Variants in RANBP2 observed in about 807,000 individuals in gnomAD.
RANBP2 encodes RAN binding protein 2.
Under a neutral mutation model 303.6 loss-of-function variants are expected in RANBP2, and 57 were observed. The observed-to-expected ratio is 0.19, with a 90% CI of 0.15 to 0.23. RANBP2 has a LOEUF of 0.23. Ranked by LOEUF, RANBP2 falls within the 10% of genes least tolerant of loss-of-function variation. The pLI is 1.00. For synonymous variants in RANBP2, 1,167 were observed against 1,301.5 expected (o/e 0.90, Z 2.23); for missense variants, 3,138 against 3,780.8 (o/e 0.83, Z 4.46).
chr2:109,004,947 A>G, the RANBP2 span, among the ~76,000 whole-genome samples: 1 of 152,248 alleles, frequency 6.6e-6, no homozygotes, highest in Non-Finnish European at 1.5e-5. Flanking sequence ...CGCTATCACT[A>G]ATTCTCACTC....
chr2:109,108,939 T>C, the RANBP2 span, among the ~76,000 whole-genome samples: 1 of 152,226 alleles, frequency 6.6e-6, no homozygotes, highest in African/African-American at 2.4e-5. Context: ...TCAGTCCCTC[T>C]GTGTCGGGAT....
chr2:108,911,093 T>G, the RANBP2 span: 5 of 1,613,922 alleles, frequency 3.1e-6, no homozygotes, highest in African/African-American at 2.7e-5. Context: ...AGAGAAGGCA[T>G]GAATGACCCA....
chr2:108,879,986 G>A, the RANBP2 span, among the ~76,000 whole-genome samples: 27 of 152,298 alleles, frequency 1.8e-4, no homozygotes, highest in Non-Finnish European at 2.1e-4. Flanking sequence ...AACTAAAAAT[G>A]TTAAGAGAAC....
At chr2:109,398,988 G>A in the RANBP2 span, 12 of 1,543,814 alleles carry the variant, frequency 7.8e-6, no homozygotes, top group Non-Finnish European at 1.0e-5. Flanking sequence ...GTTCTCTGGG[G>A]TTCTATCCTC....
chr2:109,574,570 C>A, the RANBP2 span: 1 of 1,483,296 alleles, frequency 6.7e-7, no homozygotes, highest in South Asian at 1.5e-5. Context: ...TGATTCCTTT[C>A]CTCAACCCAC....
chr2:108,811,122 TCCTTCTTC>T, the RANBP2 span, among the ~76,000 whole-genome samples: 11 of 151,062 alleles, frequency 7.3e-5, no homozygotes, highest in Admixed American at 6.6e-4. Flanking sequence ...CTTTTTTCTT[TCCTTCTTC>T]CCTTCTTCCC....
intron 12 of RANBP2, among the ~76,000 whole-genome samples, chr2:108,752,601 G>A (rs1291434719): frequency 1.6e-5 from 2 of 126,570 alleles, no homozygotes; most frequent in African/African-American, 3.1e-5. Context: ...GTGAAACCCC[G>A]TCTCTACTAA....
At chr2:109,490,524 A>T in the RANBP2 span, 1 of 1,137,882 alleles carries the variant, frequency 8.8e-7, no homozygotes, top group Non-Finnish European at 1.2e-6. Context: ...TCCACATAGG[A>T]AGATGCATTC....
At chr2:109,116,682 G>A in the RANBP2 span, among the ~76,000 whole-genome samples, 3 of 152,222 alleles carry the variant, frequency 2.0e-5, no homozygotes, top group Admixed American at 6.5e-5. Context: ...GAGGAACTGC[G>A]TTCCTTTGGA....
chr2:109,545,943 G>A, the RANBP2 span: 3 of 1,468,248 alleles, frequency 2.0e-6, no homozygotes, highest in South Asian at 4.3e-5. Context: ...AGTTGGAGAA[G>A]GAAGACAAAG....
At chr2:109,164,748 A>T in the RANBP2 span, among the ~76,000 whole-genome samples, 1 of 152,144 alleles carries the variant, frequency 6.6e-6, no homozygotes, top group Non-Finnish European at 1.5e-5. Context: ...GGCTTGCAGA[A>T]CCTCTGCAAT....
At chr2:109,095,435 C>T in the RANBP2 span, among the ~76,000 whole-genome samples, 1 of 152,136 alleles carries the variant, frequency 6.6e-6, no homozygotes, top group East Asian at 1.9e-4. Context: ...GTAATTTTGT[C>T]TAATTCAGAG....
the RANBP2 span, among the ~76,000 whole-genome samples, chr2:109,210,249 A>G: frequency 6.6e-6 from 1 of 152,238 alleles, no homozygotes; most frequent in African/African-American, 2.4e-5. Flanking sequence ...TGTTGGGAAT[A>G]ATGTCACTAT....
At chr2:109,236,967 T>C in the RANBP2 span, among the ~76,000 whole-genome samples, 1 of 152,120 alleles carries the variant, frequency 6.6e-6, no homozygotes, top group Non-Finnish European at 1.5e-5. Context: ...CCTAAGGGTT[T>C]AATATTAAAG....
chr2:109,412,407 G>T, the RANBP2 span, among the ~76,000 whole-genome samples: 3 of 152,238 alleles, frequency 2.0e-5, no homozygotes, highest in Non-Finnish European at 4.4e-5. Flanking sequence ...GTGCTATGCT[G>T]GTTTGGGACA....
chr2:109,493,143 A>G, the RANBP2 span, among the ~76,000 whole-genome samples: 2 of 139,640 alleles, frequency 1.4e-5, no homozygotes, highest in Admixed American at 7.6e-5. Context: ...CCCCACATAC[A>G]TCATACAAAA....
At chr2:109,539,945 G>A in the RANBP2 span, among the ~76,000 whole-genome samples, 1 of 152,106 alleles carries the variant, frequency 6.6e-6, no homozygotes, top group African/African-American at 2.4e-5. Flanking sequence ...GGACACTTGG[G>A]TTGTTTCGGG....
the RANBP2 span, among the ~76,000 whole-genome samples, chr2:109,660,889 C>T: frequency 6.2e-4 from 95 of 152,306 alleles, no homozygotes; most frequent in African/African-American, 2.3e-3. Flanking sequence ...GTCTTAAGCA[C>T]TCTTCTCTCA....
chr2:109,112,351 T>A, the RANBP2 span, among the ~76,000 whole-genome samples: 1 of 151,516 alleles, frequency 6.6e-6, no homozygotes, highest in Non-Finnish European at 1.5e-5. Flanking sequence ...GGTATCTCAT[T>A]GTGGTTTTGA....
Sources: gnomAD v4.1 joint callset for allele counts (sites outside exome capture counted in the v4.1 genomes callset) on GRCh38, gnomAD v4.1.1 for gene constraint, MANE v1.5 for transcripts, NCBI Gene and HGNC (gene_info 2026-07-23, HGNC 2026-07-21) for gene names.